Variants in GCM1 observed in about 807,000 individuals in gnomAD.
GCM1 encodes the protein chorion-specific transcription factor GCMa.
GCM1 carries 2 observed loss-of-function variants against 25.7 expected under a neutral mutation model. The observed-to-expected ratio is 0.08, with a 90% CI of 0.03 to 0.24. The LOEUF is 0.24. Ranked by LOEUF, GCM1 falls within the 10% of genes least tolerant of loss-of-function variation. The pLI, the probability that GCM1 is intolerant of heterozygous loss-of-function variation, is 1.00. For synonymous variants in GCM1, 183 were observed against 195.7 expected (o/e 0.94, Z 0.54); for missense variants, 395 against 538.7 (o/e 0.73, Z 2.64).
chr6:53,130,775 G>T (rs750930734), intron 5 of GCM1, 28 bp downstream of exon 5: 2 of 1,604,192 alleles, frequency 1.2e-6, no homozygotes, highest in South Asian at 2.2e-5. Flanking sequence ...GCTACTGCAT[G>T]TATTGAACAT....
chr6:53,142,870 CAAAAAAAAAA>C (rs60718730), intron 2 of GCM1, among the ~76,000 whole-genome samples: 4,708 of 37,444 alleles, frequency 0.13, 221 homozygotes, highest in African/African-American at 0.21. Flanking sequence ...CAAGGATCTC[CAAAAAAAAAA>C]AAAAAAAAAA....
At position 53,137,002 on chromosome 6, in the gene GCM1, C is replaced by T. The variant is rs554431483; in HGVS notation, c.76-2678G>A. 2.0e-5 allele frequency among the ~76,000 whole-genome samples: 3 copies of T among 152,074 alleles called. No individual in the cohort carries two copies. The South Asian group carries it at 6.2e-4, about 32-fold the overall frequency. Reference sequence around the variant, plus strand: ...AATAAAAAAAAAAAGAAAAAAGAGTCCAAGTCCCTATAAAATAAAAGCTTA... The same window carrying T: ...AATAAAAAAAAAAAGAAAAAAGAGTTCAAGTCCCTATAAAATAAAAGCTTA... On this transcript the variant is annotated intron_variant, in intron 2 of 5. Transcript: ENST00000259803.
At chr6:53,138,552 T>G (rs1763832384) in intron 2 of GCM1, among the ~76,000 whole-genome samples, 1 of 152,192 alleles carries the variant, frequency 6.6e-6, no homozygotes, top group Non-Finnish European at 1.5e-5. Flanking sequence ...TAAAATTTAA[T>G]AAGAAACAAT....
intron 2 of GCM1, among the ~76,000 whole-genome samples, chr6:53,142,252 C>A (rs4129429): frequency 0.19 from 29,556 of 151,918 alleles, 3,536 homozygotes; most frequent in African/African-American, 0.33. Context: ...TCATAACAAG[C>A]CATTGCATTT....
At chr6:53,145,455 AC>A in intron 2 of GCM1, 102 bp downstream of exon 2, 1 of 760,762 alleles carries the variant, frequency 1.3e-6, no homozygotes, top group Non-Finnish European at 2.4e-6. Context: ...AGAGGAATTT[AC>A]CCAGCTGGAA....
At chr6:53,131,953 C>T (rs1318419671) in intron 4 of GCM1, 54 bp downstream of exon 4, 1 of 986,488 alleles carries the variant, frequency 1.0e-6, no homozygotes, top group South Asian at 1.3e-5. Flanking sequence ...TTTCTAGCCT[C>T]TGGTGAAACT....
At chr6:53,142,870 CAAAAAAAA>C (rs60718730) in intron 2 of GCM1, among the ~76,000 whole-genome samples, 14 of 37,510 alleles carry the variant, frequency 3.7e-4, no homozygotes, top group East Asian at 2.4e-3. Context: ...CAAGGATCTC[CAAAAAAAA>C]AAAAAAAAAA....
intron 5 of GCM1, 26 bp from the exon 6 acceptor site, chr6:53,128,972 G>A: frequency 6.3e-7 from 1 of 1,591,712 alleles, no homozygotes; most frequent in Non-Finnish European, 8.6e-7. Context: ...AAATGCTCGT[G>A]TTAATAAGTT....
intron 4 of GCM1, 42 bp from the exon 5 acceptor site, chr6:53,130,973 T>C: frequency 1.3e-6 from 2 of 1,555,768 alleles, no homozygotes; most frequent in Non-Finnish European, 1.8e-6. Context: ...GATATAACAC[T>C]AACTAGACTG....
rs1248429897 is a variant in GCM1, at chr6:53,128,691, T to C, written c.826A>G (p.Ser276Gly). 2 of 1,614,036 alleles carry C rather than the reference T, an allele frequency of 1.2e-6. No individual in the cohort carries two copies. Among genetic ancestry groups the C allele is most frequent in the East Asian group, 2.2e-5 (1 of 44,886 alleles). The change falls in exon 6 of 6, where the codon AGT (serine) becomes GGT (glycine). Residue 276 changes from serine (S) to glycine (G), a missense_variant. Transcript: ENST00000259803. ...GCAGAAGGAGGAAGCAGGTCTCCACTACTGTAGGTTCTGCTACTGGACAAT... is the reference window on the plus strand; with the variant it reads ...GCAGAAGGAGGAAGCAGGTCTCCACCACTGTAGGTTCTGCTACTGGACAAT... ...RKLSSSRTYSSGDLLPPSASG... is the reference protein window; with the variant it reads ...RKLSSSRTYSGGDLLPPSASG...
intron 1 of GCM1, among the ~76,000 whole-genome samples, chr6:53,147,800 A>G (rs1743181779): frequency 6.6e-6 from 1 of 152,164 alleles, no homozygotes; most frequent in African/African-American, 2.4e-5. Flanking sequence ...GGGAAAGTGT[A>G]TGTATATAAA....
At chr6:53,136,466 G>A (rs776667050) in intron 2 of GCM1, among the ~76,000 whole-genome samples, 11 of 152,190 alleles carry the variant, frequency 7.2e-5, no homozygotes, top group Non-Finnish European at 1.6e-4. Context: ...CCACAGGGAG[G>A]TTTTGAGGAC....
Position 53,144,421 on chromosome 6 carries a change from T to TAAA in GCM1, c.75+1134_75+1136dup, listed in dbSNP as rs766498725. ...GCCCAGGAGACCAGGCAAACCCATC[T>TAAA]AAAAAAAAAAAAAAAAAGTCAGTTG... On this transcript the variant is annotated intron_variant, in intron 2 of 5. Transcript: ENST00000259803. 2.5e-5 allele frequency among the ~76,000 whole-genome samples: 3 copies of TAAA among 121,170 alleles called. 1 individual carries two copies. The highest frequency in any genetic ancestry group is 5.3e-4 in the South Asian group (2 of 3,754). The allele number at this position is 121,170 out of a possible 152,430, so 79.5% of individuals were successfully genotyped here. A position where few individuals can be genotyped will look rare whatever the true frequency, so the allele number is the denominator to read the frequency against.
chr6:53,142,046 AAGAAAAAG>A (rs1763882745), intron 2 of GCM1, among the ~76,000 whole-genome samples: 1 of 140,600 alleles, frequency 7.1e-6, no homozygotes, highest in African/African-American at 2.7e-5. Context: ...AAAAAACAGA[AAGAAAAAG>A]AAAGAAAGAA....
chr6:53,139,917 A>G (rs1763850969), intron 2 of GCM1, among the ~76,000 whole-genome samples: 1 of 152,188 alleles, frequency 6.6e-6, no homozygotes, highest in Non-Finnish European at 1.5e-5. Flanking sequence ...ATTTACTCTG[A>G]AAACACTAAG....
chr6:53,136,979 T>TAA (rs879299005), intron 2 of GCM1, among the ~76,000 whole-genome samples: 5 of 139,488 alleles, frequency 3.6e-5, no homozygotes, highest in African/African-American at 1.3e-4. Flanking sequence ...TCTGTTTCAA[T>TAA]AAAAAAAAAA....
intron 1 of GCM1, among the ~76,000 whole-genome samples, chr6:53,146,217 T>C (rs1763954426): frequency 3.2e-5 from 1 of 30,876 alleles, no homozygotes; most frequent in Admixed American, 4.2e-4. Flanking sequence ...TATATATATA[T>C]TTTTTTTTTT....
chr6:53,145,430 C>G, intron 2 of GCM1, 128 bp downstream of exon 2: 1 of 701,986 alleles, frequency 1.4e-6, no homozygotes, highest in South Asian at 1.6e-5. Flanking sequence ...GGCTGTCTAG[C>G]TGAAACTCTA....
chr6:53,141,505 G>T (rs1335956178), intron 2 of GCM1, among the ~76,000 whole-genome samples: 1 of 151,968 alleles, frequency 6.6e-6, no homozygotes, highest in Non-Finnish European at 1.5e-5. Context: ...GGCTAACACG[G>T]TGAAACCCTG....
Sources: allele counts gnomAD v4.1 joint callset (sites outside exome capture counted in the v4.1 genomes callset), GRCh38; gene constraint gnomAD v4.1.1; transcripts MANE v1.5; gene names NCBI Gene and HGNC (gene_info 2026-07-23, HGNC 2026-07-21).